Variants in SETMAR observed in about 807,000 individuals in gnomAD.
The protein encoded by SETMAR is SET and mariner transposase domain methyltransferase, also known as histone-lysine N-methyltransferase SETMAR.
Under a neutral mutation model 58.4 loss-of-function variants are expected in SETMAR, and 44 were observed. The observed-to-expected ratio is 0.75, with a 90% CI of 0.59 to 0.97. The LOEUF (loss-of-function observed/expected upper bound fraction) is 0.97, where lower values mean the gene tolerates loss of function less well. Among genes scored for constraint, SETMAR ranks in the 50% least tolerant of loss-of-function variants. The pLI, the probability that SETMAR is intolerant of heterozygous loss-of-function variation, is 0.00. For missense variants in SETMAR, 903 were observed against 840.2 expected (o/e 1.07, Z -0.92); for synonymous variants, 332 against 307.4 (o/e 1.08, Z -0.84).
chr3:4,316,724 G>A lies in SETMAR; in HGVS notation c.1533G>A (p.Trp511Ter). 5 of 1,550,918 alleles carry A rather than the reference G, an allele frequency of 3.2e-6. No homozygotes were observed. The highest frequency in any genetic ancestry group is 1.2e-5 in the South Asian group (1 of 84,052). The change falls in exon 3 of 3, where the codon TGG becomes TGA. Residue 511 changes from tryptophan to a stop codon, truncating the protein, a stop_gained. Transcript: ENST00000358065. LOFTEE classifies it high-confidence loss of function. ...LYDNRRRSAQ[W>*]LDQEEAPKHF... ...ACAACCGGCGACGATCAGCTCAGTG[G>A]TTGGATCAAGAAGAAGCTCCAAAGC...
At chr3:4,311,123 A>G (rs1698388673) in intron 1 of SETMAR, among the ~76,000 whole-genome samples, 1 of 152,202 alleles carries the variant, frequency 6.6e-6, no homozygotes, top group Non-Finnish European at 1.5e-5. Flanking sequence ...TTTTAAGCAG[A>G]ATGTTAGCCT....
At chr3:4,310,074 G>C (rs1329296382) in intron 1 of SETMAR, among the ~76,000 whole-genome samples, 2 of 152,180 alleles carry the variant, frequency 1.3e-5, no homozygotes, top group African/African-American at 4.8e-5. Context: ...TAACGCAGTG[G>C]TGTTTGTGTA....
rs1273837682 is a variant in SETMAR at position 4,316,977 on chromosome 3, C to T, written c.1786C>T (p.Gln596Ter). ...LHDNARPHVA[Q>*]PTLQKLNELG... ...CGACAATGCCCGACCGCATGTTGCACAACCCACACTTCAAAAGTTGAATGA... is the reference window on the plus strand; with the variant it reads ...CGACAATGCCCGACCGCATGTTGCATAACCCACACTTCAAAAGTTGAATGA... Residue 596 changes from glutamine to a stop codon, truncating the protein, a stop_gained, in exon 3 of 3, where the codon CAA becomes TAA. Coordinates refer to ENST00000358065, the MANE Select transcript of SETMAR (RefSeq NM_006515.4). LOFTEE classifies it high-confidence loss of function. 1.2e-5 allele frequency: 18 copies of T among 1,549,290 alleles called. No individual in the cohort carries two copies. The highest frequency in any genetic ancestry group is 1.6e-5 in the Non-Finnish European group (18 of 1,146,762).
chr3:4,314,456 TTAAC>T (rs1451359847), intron 2 of SETMAR: 1 of 152,322 alleles, frequency 6.6e-6, no homozygotes, highest in African/African-American at 2.4e-5. Context: ...AAAGGCATTA[TTAAC>T]TATCACCTGC....
intron 2 of SETMAR, among the ~76,000 whole-genome samples, chr3:4,315,416 A>G (rs559781804): frequency 1.3e-5 from 2 of 152,288 alleles, no homozygotes; most frequent in South Asian, 4.1e-4. Flanking sequence ...CCCAGAGGAC[A>G]ATCTTCCATT....
In SETMAR at chr3:4,303,455, G is replaced by A; in HGVS notation, c.85G>A (p.Asp29Asn). 6.5e-7 allele frequency: 1 copy of A among 1,538,762 alleles called. No homozygotes were observed. Among genetic ancestry groups the A allele is most frequent in the Non-Finnish European group, 8.7e-7 (1 of 1,148,652 alleles). Residue 29 changes from aspartate (D) to asparagine (N), a missense_variant, in exon 1 of 3, where the codon GAT (aspartate) becomes AAT (asparagine). Transcript: ENST00000358065. ...GCCTGAGGCCCCGACTGAGCAGCTG[G>A]ATGTCGCGTGCGGCCAGGAAAACTT... ...EKPEAPTEQL[D>N]VACGQENLPV...
In SETMAR at chr3:4,313,041, A is replaced by G; in HGVS notation, c.300A>G (p.Ser100=). 2 of 1,613,752 alleles carry G rather than the reference A, an allele frequency of 1.2e-6. No homozygotes were observed. The highest frequency in any genetic ancestry group is 1.7e-5 in the Admixed American group (1 of 59,968). The change falls in exon 2 of 3, where the codon TCA becomes TCG. Residue 100 remains serine, a synonymous_variant. Transcript: ENST00000358065. ...ATGGAGAGAACTATGATGATAACTC[A>G]TGCCTTAGAGATATAGGATCTGGAG... ...LRHGENYDDN[S]CLRDIGSGGK...
chr3:4,313,437 G>A lies in SETMAR; in HGVS notation c.696G>A (p.Met232Ile). 6.2e-7 allele frequency: 1 copy of A among 1,613,982 alleles called. No homozygotes were observed. Among genetic ancestry groups the A allele is most frequent in the Non-Finnish European group, 8.5e-7 (1 of 1,180,002 alleles). The change falls in exon 2 of 3, where the codon ATG (methionine) becomes ATA (isoleucine). Residue 232 changes from methionine to isoleucine, a missense_variant. Met to Ile is a conservative substitution (Grantham distance 10). Transcript: ENST00000358065. Reference sequence around the variant, plus strand: ...ATTCTTGTGAGCCAAACCTTTTGATGATTCCTGTCCGAATTGACTCAATGG... The same window carrying A: ...ATTCTTGTGAGCCAAACCTTTTGATAATTCCTGTCCGAATTGACTCAATGG... ...LNHSCEPNLLMIPVRIDSMVP... is the reference protein window; with the variant it reads ...LNHSCEPNLLIIPVRIDSMVP...
At chr3:4,311,869 A>G (rs1306083293) in intron 1 of SETMAR, among the ~76,000 whole-genome samples, 2 of 152,224 alleles carry the variant, frequency 1.3e-5, no homozygotes, top group Non-Finnish European at 2.9e-5. Flanking sequence ...TACATAAAAA[A>G]ATCTGCTGGG....
chr3:4,316,089 G>A (rs1238911585), intron 2 of SETMAR, 123 bp from the exon 3 acceptor site: 2 of 505,056 alleles, frequency 4.0e-6, no homozygotes, highest in Admixed American at 3.3e-5. Context: ...TTGCATTGTT[G>A]GAATTTGGTA....
At chr3:4,312,652 TG>T (rs1698451955) in intron 1 of SETMAR, among the ~76,000 whole-genome samples, 1 of 148,292 alleles carries the variant, frequency 6.7e-6, no homozygotes, top group South Asian at 2.1e-4. Flanking sequence ...CAGTGAACTG[TG>T]ATCACAGCAC....
intron 1 of SETMAR, among the ~76,000 whole-genome samples, chr3:4,311,235 A>G (rs1698392900): frequency 6.6e-6 from 1 of 152,132 alleles, no homozygotes; most frequent in South Asian, 2.1e-4. Context: ...TTTGCACTTA[A>G]CTACATAGCT....
At position 4,316,227 on chromosome 3, in the gene SETMAR, T is replaced by A; in HGVS notation, c.1036T>A (p.Leu346Ile). 2.8e-6 allele frequency: 2 copies of A among 714,000 alleles called. No homozygotes were observed. Among genetic ancestry groups the A allele is most frequent in the Non-Finnish European group, 5.0e-6 (2 of 398,622 alleles). The allele number at this position is 714,000 out of a possible 1,614,324, so 44.2% of individuals were successfully genotyped here. The change falls in exon 3 of 3, where the codon TTA becomes ATA. Residue 346 changes from leucine to isoleucine, a missense_variant. Transcript: ENST00000358065. ...RLTLETMKMM[L>I]DKKQIRAIFL... ...TTTATTTTAGACTATGAAAATGATG[T>A]TAGACAAAAAGCAAATTCGAGCAAT...
At position 4,316,286 on chromosome 3, in the gene SETMAR, A is replaced by G; in HGVS notation, c.1095A>G (p.Ala365=). Residue 365 remains alanine, a synonymous_variant, in exon 3 of 3, where the codon GCA becomes GCG. Transcript: ENST00000358065. The part of the protein sequence containing the change: ...FLFEFKMGRK[A]AETTRNINNA... Reference sequence around the variant, plus strand: ...TCGAGTTCAAAATGGGTCGTAAAGCAGCAGAAACAACTCGCAACATCAACA... The same window carrying G: ...TCGAGTTCAAAATGGGTCGTAAAGCGGCAGAAACAACTCGCAACATCAACA... 2 of 977,962 alleles carry G rather than the reference A, an allele frequency of 2.0e-6. No individual in the cohort carries two copies. Among genetic ancestry groups the G allele is most frequent in the Non-Finnish European group, 3.1e-6 (2 of 637,894 alleles). The allele number at this position is 977,962 out of a possible 1,614,324, so 60.6% of individuals were successfully genotyped here.
intron 1 of SETMAR, among the ~76,000 whole-genome samples, chr3:4,305,603 T>C (rs1277179786): frequency 1.3e-5 from 2 of 152,194 alleles, no homozygotes; most frequent in Non-Finnish European, 2.9e-5. Context: ...TTTCAAGATA[T>C]GGCAAGGAAA....
chr3:4,306,180 T>C (rs758967403), intron 1 of SETMAR, among the ~76,000 whole-genome samples: 3 of 152,208 alleles, frequency 2.0e-5, no homozygotes, highest in Non-Finnish European at 4.4e-5. Context: ...TATAAATCTG[T>C]TTCCAATCTT....
chr3:4,307,486 A>G (rs1698236908), intron 1 of SETMAR, among the ~76,000 whole-genome samples: 2 of 152,226 alleles, frequency 1.3e-5, no homozygotes, highest in Non-Finnish European at 2.9e-5. Context: ...AGTTCATGCT[A>G]TTAACAGTAA....
In SETMAR at chr3:4,313,436, T is replaced by A; in HGVS notation, c.695T>A (p.Met232Lys). ...LNHSCEPNLL[M>K]IPVRIDSMVP... The stretch of plus-strand genomic sequence containing the variant: ...CATTCTTGTGAGCCAAACCTTTTGA[T>A]GATTCCTGTCCGAATTGACTCAATG... Residue 232 changes from methionine (M) to lysine (K), a missense_variant, in exon 2 of 3, where the codon ATG becomes AAG. Transcript: ENST00000358065. 1 of 1,614,076 alleles carries A rather than the reference T, an allele frequency of 6.2e-7. No individual in the cohort carries two copies. The highest frequency in any genetic ancestry group is 8.5e-7 in the Non-Finnish European group (1 of 1,180,018).
Position 4,313,221 on chromosome 3 carries a change from G to A in SETMAR, c.480G>A (p.Pro160=), listed in dbSNP as rs374002434. The A allele has an allele frequency of 3.1e-6, 5 of 1,613,904 alleles. No individual in the cohort carries two copies. The highest frequency in any genetic ancestry group is 1.6e-4 in the Middle Eastern group (1 of 6,062). ...GACTTCGTACCTTGGAATTTATACC[G>A]AAAGGAAGGTTTGTCTGTGAATATG... is the stretch of plus-strand genomic sequence containing the variant. ...GWGLRTLEFI[P]KGRFVCEYAG... is the part of the protein sequence containing the mutation. Residue 160 remains proline, a synonymous_variant, in exon 2 of 3, where the codon CCG becomes CCA. Transcript: ENST00000358065.
Sources: gnomAD v4.1 joint callset for allele counts (sites outside exome capture counted in the v4.1 genomes callset) on GRCh38, gnomAD v4.1.1 for gene constraint, MANE v1.5 for transcripts, NCBI Gene and HGNC (gene_info 2026-07-23, HGNC 2026-07-21) for gene names.